The following PI4KA variants were observed in gnomAD, a reference collection of about 807,000 sequenced individuals.
The protein encoded by PI4KA is PI4-kinase alpha.
Under a neutral mutation model 271.4 loss-of-function variants are expected in PI4KA, and 122 were observed. The observed-to-expected ratio is 0.45, with a 90% CI of 0.39 to 0.52. The LOEUF (loss-of-function observed/expected upper bound fraction) is 0.52. PI4KA is among the 20% of genes least tolerant of loss of function. PI4KA has a pLI of 0.00. For missense variants in PI4KA, 1,969 were observed against 2,769.1 expected, an observed-to-expected ratio of 0.71 and a Z score of 6.48; for synonymous variants, 1,041 against 1,078.8, an observed-to-expected ratio of 0.96 and a Z score of 0.69.
intron 3 of PI4KA, among the ~76,000 whole-genome samples, chr22:20,826,257 C>T (rs978286152): frequency 6.6e-6 from 1 of 152,148 alleles, no homozygotes; most frequent in Non-Finnish European, 1.5e-5. Context: ...ACAGGAGAAT[C>T]GCTCGAACCT....
intron 19 of PI4KA, chr22:20,780,046 T>C: frequency 6.2e-7 from 1 of 1,614,150 alleles, no homozygotes; most frequent in Non-Finnish European, 8.5e-7. Flanking sequence ...GAGTATTACT[T>C]TGCTGAGGCC....
chr22:20,770,586 AC>A (rs1393508163), intron 19 of PI4KA, among the ~76,000 whole-genome samples: 1 of 51,386 alleles, frequency 1.9e-5, no homozygotes, highest in Non-Finnish European at 3.5e-5. Context: ...ACGGACACAC[AC>A]ACACACACAC....
At chr22:20,843,307 T>C (rs1236149823) in intron 1 of PI4KA, among the ~76,000 whole-genome samples, 1 of 152,010 alleles carries the variant, frequency 6.6e-6, no homozygotes, top group Non-Finnish European at 1.5e-5. Context: ...CTGGGCAACA[T>C]GGCAAGACCC....
At chr22:20,761,450 C>T in intron 22 of PI4KA, 64 bp from the exon 23 acceptor site, 2 of 937,678 alleles carry the variant, frequency 2.1e-6, no homozygotes, top group Non-Finnish European at 3.5e-6. Flanking sequence ...ACAGATTTGA[C>T]ACTGCCCATA....
At chr22:20,821,589 T>TTTTGTTTGTTTG (rs361536) in intron 4 of PI4KA, among the ~76,000 whole-genome samples, 2,258 of 150,614 alleles carry the variant, frequency 0.015, 22 homozygotes, top group Non-Finnish European at 0.022. Flanking sequence ...ATCCCAGCAC[T>TTTTGTTTGTTTG]TTTGTTTGTT....
intron 23 of PI4KA, among the ~76,000 whole-genome samples, chr22:20,757,402 C>G (rs738062): frequency 0.38 from 57,481 of 151,666 alleles, 11,327 homozygotes; most frequent in African/African-American, 0.48. Flanking sequence ...ATCAGTCCCC[C>G]GGAACAATTT....
At chr22:20,799,614 C>T in intron 15 of PI4KA, 57 bp downstream of exon 15, 1 of 1,229,736 alleles carries the variant, frequency 8.1e-7, no homozygotes, top group South Asian at 1.3e-5. Context: ...CCAGGTGCCC[C>T]ACACGAGCCT....
chr22:20,733,152 G>C (rs1453925833), intron 35 of PI4KA, 54 bp from the exon 36 acceptor site: 1 of 1,602,364 alleles, frequency 6.2e-7, no homozygotes, highest in Non-Finnish European at 8.5e-7. Context: ...AGGGACTAGA[G>C]GCCAGTCACA....
At chr22:20,827,423 A>G (rs1923566616) in intron 3 of PI4KA, among the ~76,000 whole-genome samples, 1 of 152,106 alleles carries the variant, frequency 6.6e-6, no homozygotes, top group Non-Finnish European at 1.5e-5. Context: ...TTTTTTTACC[A>G]GTACCATGCT....
At chr22:20,724,992 CAG>C (rs1927180730) in intron 42 of PI4KA, among the ~76,000 whole-genome samples, 1 of 152,222 alleles carries the variant, frequency 6.6e-6, no homozygotes, top group South Asian at 2.1e-4. Flanking sequence ...CTCAGAGGCG[CAG>C]AGAGTGTGGC....
chr22:20,842,970 C>T (rs1223932588), intron 1 of PI4KA, among the ~76,000 whole-genome samples: 1 of 151,492 alleles, frequency 6.6e-6, no homozygotes, highest in African/African-American at 2.4e-5. Context: ...TGGCGGCATG[C>T]GTCTATAGTC....
intron 2 of PI4KA, among the ~76,000 whole-genome samples, chr22:20,838,351 T>C (rs184671220): frequency 6.6e-6 from 1 of 152,266 alleles, no homozygotes; most frequent in Admixed American, 6.5e-5. Flanking sequence ...ACTTACTCTG[T>C]GGCACATAAT....
chr22:20,739,172 C>T (rs866625942), intron 32 of PI4KA, among the ~76,000 whole-genome samples: 9 of 150,570 alleles, frequency 6.0e-5, no homozygotes, highest in East Asian at 2.0e-4. Flanking sequence ...AGTGAAACCC[C>T]GTCTCTACTA....
chr22:20,848,446 A>C (rs1926549887), intron 1 of PI4KA, among the ~76,000 whole-genome samples: 1 of 152,154 alleles, frequency 6.6e-6, no homozygotes, highest in African/African-American at 2.4e-5. Context: ...CATTCTTCCC[A>C]ATTTCAAAAC....
Position 20,712,559 on chromosome 22 carries a change from C to T in PI4KA, c.5729G>A (p.Arg1910His). 1 of 1,593,204 alleles carries T rather than the reference C, an allele frequency of 6.3e-7. No individual in the cohort carries two copies. The change falls in exon 50 of 55, where the codon CGC becomes CAC. Residue 1910 changes from arginine to histidine, a missense_variant. Physicochemically the swap from Arg to His is conservative, Grantham distance 29. Coordinates refer to ENST00000255882, the MANE Select transcript of PI4KA (RefSeq NM_058004.4). ...PDCTSRDQLG[R>H]QTDFGMYDYF... The stretch of plus-strand genomic sequence containing the variant: ...GTCGTACATGCCGAAGTCTGTCTGG[C>T]GGCCCAGCTGGTCCCGGGAGGTGCA...
intron 39 of PI4KA, 52 bp downstream of exon 39, chr22:20,729,261 G>A (rs926025650): frequency 1.3e-6 from 2 of 1,528,094 alleles, no homozygotes; most frequent in Non-Finnish European, 1.8e-6. Context: ...CAAGCACCCT[G>A]CGCTGGACCT....
chr22:20,757,926 A>G (rs1217708272), intron 23 of PI4KA, among the ~76,000 whole-genome samples: 1 of 152,068 alleles, frequency 6.6e-6, no homozygotes. Flanking sequence ...GGCAGTTTCA[A>G]TTTTGTTGTT....
At chr22:20,727,738 G>T in intron 40 of PI4KA, 36 bp downstream of exon 40, 1 of 1,522,470 alleles carries the variant, frequency 6.6e-7, no homozygotes, top group Non-Finnish European at 9.1e-7. Flanking sequence ...ATTTTGTGCA[G>T]TTTGAACTCA....
At chr22:20,746,267 T>C (rs1222233949) in intron 29 of PI4KA, among the ~76,000 whole-genome samples, 6 of 151,990 alleles carry the variant, frequency 3.9e-5, no homozygotes, top group Non-Finnish European at 7.4e-5. Context: ...TTTCACCGTG[T>C]TGGCCAGGAT....
Sources: allele counts gnomAD v4.1 joint callset (sites outside exome capture counted in the v4.1 genomes callset), GRCh38; gene constraint gnomAD v4.1.1; transcripts MANE v1.5; gene names NCBI Gene and HGNC (gene_info 2026-07-23, HGNC 2026-07-21).